The following LARP1B variants were observed in gnomAD, a reference collection of about 807,000 sequenced individuals.
The protein encoded by LARP1B is la-related protein 1B.
In LARP1B, 76 loss-of-function variants were observed where a neutral mutation model predicts 114.2. That is an observed-to-expected ratio of 0.67 (90% CI 0.55 to 0.81). LARP1B has a LOEUF of 0.81. Ranked by LOEUF, LARP1B falls within the 30% of genes least tolerant of loss-of-function variation. The pLI is 0.00. For synonymous variants in LARP1B, 345 were observed against 348.0 expected (o/e 0.99, Z 0.10); for missense variants, 1,014 against 1,075.8 (o/e 0.94, Z 0.80).
chr4:128,098,749 A>C (rs112863107), intron 8 of LARP1B, among the ~76,000 whole-genome samples: 1 of 17,866 alleles, frequency 5.6e-5, no homozygotes, highest in Non-Finnish European at 1.1e-4. Context: ...ATGTATGTGT[A>C]TATATATATA....
chr4:128,190,004 A>G (rs1174522250), intron 15 of LARP1B, among the ~76,000 whole-genome samples: 2 of 152,194 alleles, frequency 1.3e-5, no homozygotes, highest in East Asian at 1.9e-4. Flanking sequence ...GAATTTGTCT[A>G]CTTTTACCAG....
intron 15 of LARP1B, among the ~76,000 whole-genome samples, chr4:128,188,895 G>A (rs1281321275): frequency 1.3e-5 from 2 of 152,132 alleles, no homozygotes; most frequent in Non-Finnish European, 2.9e-5. Context: ...AATTTGTTGA[G>A]ACATGTTTTG....
intron 7 of LARP1B, chr4:128,222,229 C>T: frequency 4.6e-6 from 2 of 430,488 alleles, no homozygotes; most frequent in Non-Finnish European, 9.5e-6. Flanking sequence ...TTCTACTGAC[C>T]TTGACCAAGT....
At chr4:128,125,284 A>G (rs571669994) in intron 11 of LARP1B, among the ~76,000 whole-genome samples, 1 of 152,174 alleles carries the variant, frequency 6.6e-6, no homozygotes, top group African/African-American at 2.4e-5. Flanking sequence ...TTTAATTGGT[A>G]CCCAAAAGTG....
rs1172118350 is a variant in LARP1B, at chr4:128,107,297, C to G, written c.972C>G (p.Ala324=). 1 of 1,614,130 alleles carries G rather than the reference C, an allele frequency of 6.2e-7. No individual in the cohort carries two copies. Among genetic ancestry groups the G allele is most frequent in the South Asian group, 1.1e-5 (1 of 91,072 alleles). The change falls in exon 9 of 20, where the codon GCC becomes GCG. Residue 324 remains alanine, a synonymous_variant. Transcript: ENST00000326639. ...GTCCAGAGTTTGTACCAGGCCAAGCCTTTTGCTCACATACAGGTAACATCT... is the reference window on the plus strand; with the variant it reads ...GTCCAGAGTTTGTACCAGGCCAAGCGTTTTGCTCACATACAGGTAACATCT... ...IDCPEFVPGQ[A]FCSHTESAPN... is the part of the protein sequence containing the mutation.
At chr4:128,122,431 T>A (rs1389759349) in intron 11 of LARP1B, 12 of 1,472,550 alleles carry the variant, frequency 8.1e-6, no homozygotes, top group Non-Finnish European at 9.9e-6. Flanking sequence ...CACTGACTTA[T>A]ACCCTTGTTT....
At chr4:128,064,838 T>C (rs1215994073) in intron 1 of LARP1B, among the ~76,000 whole-genome samples, 1 of 152,100 alleles carries the variant, frequency 6.6e-6, no homozygotes, top group Non-Finnish European at 1.5e-5. Context: ...TTTGAGGCTG[T>C]AGTGTCCTGT....
At chr4:128,078,696 A>G (rs1768988276) in intron 4 of LARP1B, among the ~76,000 whole-genome samples, 1 of 151,902 alleles carries the variant, frequency 6.6e-6, no homozygotes, top group African/African-American at 2.4e-5. Context: ...TATTGTCTTC[A>G]TATCCTTTTC....
chr4:128,067,569 C>G (rs1217943059), intron 1 of LARP1B, among the ~76,000 whole-genome samples: 2 of 152,126 alleles, frequency 1.3e-5, no homozygotes, highest in East Asian at 3.8e-4. Context: ...GTTGCTGTTT[C>G]TAGAAATCCA....
chr4:128,182,977 A>G (rs895102689), intron 15 of LARP1B, among the ~76,000 whole-genome samples: 5 of 152,232 alleles, frequency 3.3e-5, no homozygotes, highest in Non-Finnish European at 7.3e-5. Flanking sequence ...GAAGACTGAA[A>G]GAGGCGAGGG....
chr4:128,206,442 G>T lies in LARP1B; in HGVS notation c.2324G>T (p.Cys775Phe), dbSNP rs1488943810. The change falls in exon 18 of 20, where the codon TGT becomes TTT. Residue 775 changes from cysteine (C) to phenylalanine (F), a missense_variant. Coordinates refer to ENST00000326639, the MANE Select transcript of LARP1B (RefSeq NM_018078.4). ...AKENYRYGLE[C>F]LFRFYSYGLE... ...TCTCTTTATAGGTATGGGTTAGAAT[G>T]TCTGTTCAGGTTTTATAGTTATGGA... 1.2e-6 allele frequency: 2 copies of T among 1,603,868 alleles called. No individual in the cohort carries two copies. The highest frequency in any genetic ancestry group is 1.7e-6 in the Non-Finnish European group (2 of 1,175,214).
intron 12 of LARP1B, among the ~76,000 whole-genome samples, chr4:128,175,219 A>G (rs1745390924): frequency 6.6e-6 from 1 of 152,136 alleles, no homozygotes; most frequent in South Asian, 2.1e-4. Flanking sequence ...AGGACTGAGT[A>G]TATTCAGGTT....
At chr4:128,154,793 A>T (rs1265731747) in intron 11 of LARP1B, among the ~76,000 whole-genome samples, 6 of 152,064 alleles carry the variant, frequency 3.9e-5, no homozygotes, top group Non-Finnish European at 8.8e-5. Context: ...TTTTTTTGAG[A>T]CGGAGTTTTT....
chr4:128,071,558 A>T (rs1452190577), intron 1 of LARP1B, among the ~76,000 whole-genome samples: 1 of 150,934 alleles, frequency 6.6e-6, no homozygotes, highest in Non-Finnish European at 1.5e-5. Flanking sequence ...AGTAGCTGGG[A>T]TTACAGGCGT....
At chr4:128,062,455 G>A (rs1285108334) in intron 1 of LARP1B, among the ~76,000 whole-genome samples, 2 of 152,210 alleles carry the variant, frequency 1.3e-5, no homozygotes, top group Non-Finnish European at 1.5e-5. Context: ...CTTGCCTGAT[G>A]GGGGCACGGA....
chr4:128,064,124 T>G (rs1460791105), intron 1 of LARP1B, among the ~76,000 whole-genome samples: 1 of 151,720 alleles, frequency 6.6e-6, no homozygotes, highest in Non-Finnish European at 1.5e-5. Context: ...ATACAAAAAT[T>G]AGCCGGATAT....
Position 128,211,134 on chromosome 4 carries a change from A to AT in LARP1B, c.*1087dup. 1 of 903,974 alleles carries AT rather than the reference A, an allele frequency of 1.1e-6. No individual in the cohort carries two copies. The highest frequency in any genetic ancestry group is 1.8e-5 in the African/African-American group (1 of 55,630). 56.0% of individuals were successfully genotyped at this position (903,974 alleles called of 1,614,324 possible). ...TAAAAAAATAAAGCACTTATTCTGA[A>AT]TTTTTTGAATTGATTTTTAATTATT... On this transcript the variant is annotated 3_prime_UTR_variant, in exon 20 of 20. Coordinates refer to ENST00000326639, the MANE Select transcript of LARP1B (RefSeq NM_018078.4).
intron 10 of LARP1B, among the ~76,000 whole-genome samples, chr4:128,117,621 T>C (rs1297291417): frequency 1.3e-5 from 2 of 152,124 alleles, no homozygotes; most frequent in South Asian, 2.1e-4. Context: ...TGACCTCAGG[T>C]GATCCACCCG....
At chr4:128,154,144 A>AAGC (rs1208640715) in intron 11 of LARP1B, among the ~76,000 whole-genome samples, 2 of 152,198 alleles carry the variant, frequency 1.3e-5, no homozygotes, top group African/African-American at 4.8e-5. Context: ...CAAGTCCAAG[A>AAGC]AGCAGTTCTT....
Sources: gnomAD v4.1 joint callset for allele counts (sites outside exome capture counted in the v4.1 genomes callset) on GRCh38, gnomAD v4.1.1 for gene constraint, MANE v1.5 for transcripts, NCBI Gene and HGNC (gene_info 2026-07-23, HGNC 2026-07-21) for gene names.